The following CPED1 variants were observed in gnomAD, a reference collection of about 807,000 sequenced individuals.
CPED1 encodes cadherin-like and PC-esterase domain-containing protein 1.
Under a neutral mutation model 128.2 loss-of-function variants are expected in CPED1, and 114 were observed. The observed-to-expected ratio is 0.89, with a 90% CI of 0.76 to 1.04. The LOEUF (loss-of-function observed/expected upper bound fraction) is 1.04, where lower values mean the gene tolerates loss of function less well. Among genes scored for constraint, CPED1 ranks in the 50% least tolerant of loss-of-function variants. The probability of loss-of-function intolerance (pLI) is 0.00; values close to 1 mark genes in which losing one functional copy is unlikely to be tolerated. For missense variants in CPED1, 1,211 were observed against 1,207.1 expected, an observed-to-expected ratio of 1.00 and a Z score of -0.05; for synonymous variants, 462 against 426.7, an observed-to-expected ratio of 1.08 and a Z score of -1.02.
intron 22 of CPED1, among the ~76,000 whole-genome samples, chr7:121,282,787 A>T (rs1475463902): frequency 6.6e-6 from 1 of 152,216 alleles, no homozygotes; most frequent in Non-Finnish European, 1.5e-5. Flanking sequence ...CTAGTCTCAG[A>T]CAATGTCTTT....
intron 18 of CPED1, among the ~76,000 whole-genome samples, chr7:121,253,552 A>T (rs542978090): frequency 6.6e-6 from 1 of 152,224 alleles, no homozygotes; most frequent in South Asian, 2.1e-4. Context: ...TAATAAAATG[A>T]TGACAGGATC....
chr7:121,155,626 TA>T, intron 16 of CPED1, among the ~76,000 whole-genome samples: 1 of 152,178 alleles, frequency 6.6e-6, no homozygotes, highest in East Asian at 1.9e-4. Context: ...GTCTTTTCAA[TA>T]AATGGTGCTG....
At chr7:121,193,995 G>GCT (rs373934011) in intron 16 of CPED1, among the ~76,000 whole-genome samples, 115 of 87,366 alleles carry the variant, frequency 1.3e-3, no homozygotes, top group African/African-American at 2.9e-3. Flanking sequence ...GGATGAGCAA[G>GCT]CTCTCTCTCT....
At chr7:121,106,823 G>A (rs574130118) in intron 7 of CPED1, among the ~76,000 whole-genome samples, 2 of 152,036 alleles carry the variant, frequency 1.3e-5, no homozygotes, top group African/African-American at 2.4e-5. Context: ...TAATCTCTGC[G>A]GGCTCTTCCT....
At chr7:121,284,051 A>G (rs1792513852) in intron 22 of CPED1, among the ~76,000 whole-genome samples, 1 of 152,198 alleles carries the variant, frequency 6.6e-6, no homozygotes, top group African/African-American at 2.4e-5. Flanking sequence ...TTTATAAAGG[A>G]AAGAGGTTTA....
intron 16 of CPED1, among the ~76,000 whole-genome samples, chr7:121,225,592 C>CT (rs1296060174): frequency 6.6e-6 from 1 of 152,156 alleles, no homozygotes; most frequent in Non-Finnish European, 1.5e-5. Flanking sequence ...TGGTTCCATT[C>CT]TCCCCATCAC....
intron 8 of CPED1, 119 bp from the exon 9 acceptor site, chr7:121,125,701 C>T (rs1584530306): frequency 5.8e-6 from 4 of 684,112 alleles, no homozygotes; most frequent in East Asian, 5.4e-5. Flanking sequence ...TTTCTTTATC[C>T]AGTCTATCAT....
At chr7:121,224,311 G>T (rs1278761386) in intron 16 of CPED1, among the ~76,000 whole-genome samples, 1 of 152,206 alleles carries the variant, frequency 6.6e-6, no homozygotes, top group Non-Finnish European at 1.5e-5. Flanking sequence ...TGATTGCACT[G>T]TGGTCTGAGA....
chr7:121,133,918 A>G (rs562452127), intron 13 of CPED1, 25 bp downstream of exon 13: 1 of 1,341,202 alleles, frequency 7.5e-7, no homozygotes, highest in African/African-American at 1.5e-5. Context: ...ATTCCCACTT[A>G]TTTCAACATA....
rs139654343 is a variant in CPED1 at position 121,099,950 on chromosome 7, A to C, written c.774A>C (p.Pro258=). 1.4e-5 allele frequency: 22 copies of C among 1,613,352 alleles called. No homozygotes were observed. The African/African-American group carries it at 2.8e-4, about 21-fold the overall frequency. ...GGAATGAAACGACAGTCCTTGCTCC[A>C]CATGAAACAATCTTTCGAGCCGAAG... ...EQLNETTVLA[P]HETIFRAEDL... is the part of the protein sequence containing the mutation. The change falls in exon 7 of 23, where the codon CCA becomes CCC. Residue 258 remains proline (P), a synonymous_variant. Coordinates refer to ENST00000310396, the MANE Select transcript of CPED1 (RefSeq NM_024913.5).
intron 16 of CPED1, among the ~76,000 whole-genome samples, chr7:121,153,785 T>C (rs766471730): frequency 3.2e-5 from 4 of 124,594 alleles, no homozygotes; most frequent in African/African-American, 7.9e-5. Context: ...GGTGTAGTTA[T>C]AAGCGGATTT....
chr7:121,201,484 CAGAGAGAG>C (rs368768002), intron 16 of CPED1, among the ~76,000 whole-genome samples: 1 of 140,996 alleles, frequency 7.1e-6, no homozygotes, highest in Non-Finnish European at 1.5e-5. Flanking sequence ...GAGTGAGAGA[CAGAGAGAG>C]AGAGAGAGAA....
chr7:121,143,940 AC>A (rs1377515460), intron 16 of CPED1, among the ~76,000 whole-genome samples: 11 of 152,018 alleles, frequency 7.2e-5, no homozygotes, highest in Admixed American at 6.6e-4. Flanking sequence ...CCAATATTAT[AC>A]TATTGGGGCA....
At chr7:121,224,621 T>C (rs1797958040) in intron 16 of CPED1, among the ~76,000 whole-genome samples, 5 of 152,098 alleles carry the variant, frequency 3.3e-5, no homozygotes, top group Admixed American at 2.6e-4. Flanking sequence ...ACTAAGGACT[T>C]GCTTTATGAA....
chr7:121,093,181 G>T (rs1413024148), intron 5 of CPED1, among the ~76,000 whole-genome samples: 1 of 152,072 alleles, frequency 6.6e-6, no homozygotes, highest in Non-Finnish European at 1.5e-5. Context: ...TTTCACAGTA[G>T]TATGTTTAGT....
intron 3 of CPED1, among the ~76,000 whole-genome samples, chr7:121,044,695 C>A (rs1160900977): frequency 1.1e-5 from 1 of 93,760 alleles, no homozygotes; most frequent in Non-Finnish European, 2.2e-5. Flanking sequence ...ACTTTGAGTA[C>A]AATGTTCTGT....
chr7:121,274,279 A>T (rs1351655829), intron 22 of CPED1, among the ~76,000 whole-genome samples: 2 of 152,282 alleles, frequency 1.3e-5, no homozygotes, highest in South Asian at 4.1e-4. Flanking sequence ...TTGAACCATC[A>T]GCACTAGAAT....
chr7:121,142,476 G>A (rs1330543742), intron 16 of CPED1, among the ~76,000 whole-genome samples: 3 of 151,928 alleles, frequency 2.0e-5, no homozygotes, highest in Admixed American at 1.3e-4. Context: ...ATTTGTCCCT[G>A]GATCTACTTT....
Position 121,130,287 on chromosome 7 carries a change from C to T in CPED1, c.1570C>T (p.Leu524=). The stretch of plus-strand genomic sequence containing the variant: ...GAATAAAAAGACACAGCCACATCCA[C>T]TGGAATGGTAAGATAGCCACAAATT... The part of the protein sequence containing the change: ...FMNKKTQPHP[L]EWNSFTEDKN... The change falls in exon 12 of 23, where the codon CTG becomes TTG. Residue 524 remains leucine (L), a synonymous_variant. Coordinates refer to ENST00000310396, the MANE Select transcript of CPED1 (RefSeq NM_024913.5). The T allele has an allele frequency of 5.6e-6, 9 of 1,597,210 alleles. No individual in the cohort carries two copies. Among genetic ancestry groups the T allele is most frequent in the Non-Finnish European group, 7.7e-6 (9 of 1,174,164 alleles).
Sources: allele counts gnomAD v4.1 joint callset (sites outside exome capture counted in the v4.1 genomes callset), GRCh38; gene constraint gnomAD v4.1.1; transcripts MANE v1.5; gene names NCBI Gene and HGNC (gene_info 2026-07-23, HGNC 2026-07-21).